SGCD: variants seen among roughly 807,000 people sequenced by gnomAD.
The protein encoded by SGCD is delta-sarcoglycan.
SGCD carries 18 observed loss-of-function variants against 36.6 expected under a neutral mutation model. The ratio of observed to expected loss-of-function variants is 0.49; its 90% CI spans 0.34 to 0.73. The LOEUF (loss-of-function observed/expected upper bound fraction) is 0.73, where lower values mean the gene tolerates loss of function less well. SGCD is among the 30% of genes least tolerant of loss of function. SGCD has a pLI of 0.01. For missense variants in SGCD, 387 were observed against 346.7 expected (o/e 1.12, Z -0.92); for synonymous variants, 133 against 130.6 (o/e 1.02, Z -0.12).
chr5:155,843,121 T>A, the SGCD span, among the ~76,000 whole-genome samples: 1 of 152,218 alleles, frequency 6.6e-6, no homozygotes, highest in African/African-American at 2.4e-5. Flanking sequence ...TACAAAGCAA[T>A]GGTATCTTAC....
intron 1 of SGCD, among the ~76,000 whole-genome samples, chr5:156,004,355 G>T (rs1431464238): frequency 6.6e-6 from 1 of 152,060 alleles, no homozygotes; most frequent in Non-Finnish European, 1.5e-5. Flanking sequence ...TAATAATACT[G>T]CTGTTTCCAC....
At chr5:156,290,482 A>G (rs1019537814) in intron 3 of SGCD, among the ~76,000 whole-genome samples, 1 of 151,538 alleles carries the variant, frequency 6.6e-6, no homozygotes, top group Non-Finnish European at 1.5e-5. Flanking sequence ...TTTGCAAGGT[A>G]CTTACTGTCT....
At chr5:156,729,975 G>A (rs1418857554) in intron 7 of SGCD, among the ~76,000 whole-genome samples, 1 of 152,032 alleles carries the variant, frequency 6.6e-6, no homozygotes, top group African/African-American at 2.4e-5. Context: ...TCAAAACAAT[G>A]GCCAAAAAGA....
intron 7 of SGCD, among the ~76,000 whole-genome samples, chr5:156,750,792 C>CAATT (rs1757123157): frequency 6.6e-6 from 1 of 152,024 alleles, no homozygotes; most frequent in South Asian, 2.1e-4. Flanking sequence ...CCAAAAAAGT[C>CAATT]AATTAGATAT....
chr5:156,607,527 C>T (rs1211180882), intron 6 of SGCD, among the ~76,000 whole-genome samples: 1 of 152,188 alleles, frequency 6.6e-6, no homozygotes, highest in Non-Finnish European at 1.5e-5. Context: ...TGTGTCTCTG[C>T]CAGGCTTTGG....
At chr5:156,174,776 T>C (rs1200457564) in intron 3 of SGCD, among the ~76,000 whole-genome samples, 1 of 152,138 alleles carries the variant, frequency 6.6e-6, no homozygotes, top group Admixed American at 6.5e-5. Context: ...AGGAAAAAGA[T>C]GTCAAATAAG....
chr5:156,291,994 T>G (rs1766769499), intron 3 of SGCD, among the ~76,000 whole-genome samples: 1 of 152,054 alleles, frequency 6.6e-6, no homozygotes, highest in African/African-American at 2.4e-5. Flanking sequence ...GAAAAACATC[T>G]TCCCAACCCC....
intron 3 of SGCD, among the ~76,000 whole-genome samples, chr5:156,426,434 C>G (rs1241531306): frequency 1.3e-5 from 2 of 151,810 alleles, no homozygotes; most frequent in Non-Finnish European, 2.9e-5. Context: ...TTTATTCTTG[C>G]TCATTTGAGT....
At chr5:156,619,530 G>A (rs551126147) in intron 6 of SGCD, among the ~76,000 whole-genome samples, 1 of 152,260 alleles carries the variant, frequency 6.6e-6, no homozygotes, top group African/African-American at 2.4e-5. Context: ...ACTTCTGTCA[G>A]GCATCTTCAA....
chr5:156,296,395 G>A (rs1766894169), intron 3 of SGCD, among the ~76,000 whole-genome samples: 1 of 152,202 alleles, frequency 6.6e-6, no homozygotes, highest in Non-Finnish European at 1.5e-5. Flanking sequence ...ACCATAAATT[G>A]TAGGAATTCA....
rs559878838 is a variant in SGCD, at chr5:156,566,620, C to A, written c.295-22611C>A. Among the ~76,000 whole-genome samples, 630 of 152,158 alleles carry A rather than the reference C, an allele frequency of 4.1e-3. 2 individuals are homozygous for A. The highest frequency in any genetic ancestry group is 6.6e-3 in the South Asian group (32 of 4,824). On this transcript the variant is annotated intron_variant, in intron 4 of 8. Coordinates refer to ENST00000337851, the MANE Select transcript of SGCD (RefSeq NM_000337.6). Reference sequence around the variant, plus strand: ...TATTTAATATGTTCCTGTTAATAAACCCCTGTTTTTCTTTGATAATCTAAA... The same window carrying A: ...TATTTAATATGTTCCTGTTAATAAAACCCTGTTTTTCTTTGATAATCTAAA...
intron 1 of SGCD, among the ~76,000 whole-genome samples, chr5:156,058,092 G>A (rs1413764064): frequency 6.9e-6 from 1 of 145,856 alleles, no homozygotes; most frequent in African/African-American, 2.5e-5. Flanking sequence ...TAAAATGGGT[G>A]AACCAAATTA....
intron 3 of SGCD, among the ~76,000 whole-genome samples, chr5:156,278,746 A>T (rs570353756): frequency 6.6e-6 from 1 of 152,302 alleles, no homozygotes; most frequent in Admixed American, 6.5e-5. Context: ...TATATAACAT[A>T]GTTAACTTTT....
chr5:156,090,378 G>A (rs1459460196), intron 1 of SGCD, among the ~76,000 whole-genome samples: 1 of 152,166 alleles, frequency 6.6e-6, no homozygotes, highest in Non-Finnish European at 1.5e-5. Context: ...TTACAGCTGG[G>A]CCTCCAGGGG....
chr5:156,061,538 A>G (rs1039049766), intron 1 of SGCD, among the ~76,000 whole-genome samples: 3 of 146,278 alleles, frequency 2.1e-5, no homozygotes, highest in East Asian at 1.9e-4. Context: ...ATATTTAAAA[A>G]CAAACCCACT....
Position 156,751,410 on chromosome 5 carries a change from T to G in SGCD, c.576-6171T>G, listed in dbSNP as rs527658456. Among the ~76,000 whole-genome samples, 383 of 151,500 alleles carry G rather than the reference T, an allele frequency of 2.5e-3. 5 individuals carry two copies. The highest frequency in any genetic ancestry group is 3.5e-3 in the Admixed American group (53 of 15,244). On this transcript the variant is annotated intron_variant, in intron 7 of 8. Transcript: ENST00000337851. Reference sequence around the variant, plus strand: ...TTCATGACCTCAGTGTAGGGAAGGATTGCTCAGGTAAGACACAGAAAGTGC... The same window carrying G: ...TTCATGACCTCAGTGTAGGGAAGGAGTGCTCAGGTAAGACACAGAAAGTGC...
chr5:156,125,990 G>C (rs1220456130), intron 3 of SGCD, among the ~76,000 whole-genome samples: 1 of 151,580 alleles, frequency 6.6e-6, no homozygotes, highest in African/African-American at 2.4e-5. Context: ...TGATTCTTCT[G>C]CCTCAGCCTC....
intron 3 of SGCD, among the ~76,000 whole-genome samples, chr5:156,497,524 A>G (rs1268887025): frequency 1.3e-5 from 2 of 152,076 alleles, no homozygotes; most frequent in Non-Finnish European, 2.9e-5. Context: ...ATTTTATAAA[A>G]CAGATGAGAA....
chr5:156,026,189 G>A (rs1232948441), intron 1 of SGCD, among the ~76,000 whole-genome samples: 1 of 152,180 alleles, frequency 6.6e-6, no homozygotes, highest in Non-Finnish European at 1.5e-5. Flanking sequence ...CTTGTTGTTA[G>A]ATTGACAACA....
Sources: allele counts gnomAD v4.1 joint callset (sites outside exome capture counted in the v4.1 genomes callset), GRCh38; gene constraint gnomAD v4.1.1; transcripts MANE v1.5; gene names NCBI Gene and HGNC (gene_info 2026-07-23, HGNC 2026-07-21).